The following TMEM98 variants were observed in gnomAD, a reference collection of about 807,000 sequenced individuals.
TMEM98 encodes the protein transmembrane protein 98.
TMEM98 carries 18 observed loss-of-function variants against 25.0 expected under a neutral mutation model. That is an observed-to-expected ratio of 0.72 (90% CI 0.50 to 1.07). TMEM98 has a LOEUF of 1.07. TMEM98 is among the 50% of genes least tolerant of loss of function. The probability of loss-of-function intolerance (pLI) is 0.00; values close to 1 mark genes in which losing one functional copy is unlikely to be tolerated. For synonymous variants in TMEM98, 103 were observed against 112.4 expected (o/e 0.92, Z 0.53); for missense variants, 241 against 289.0 (o/e 0.83, Z 1.20).
intron 1 of TMEM98, among the ~76,000 whole-genome samples, chr17:32,928,805 G>GAGAAA (rs1228029415): frequency 4.3e-5 from 6 of 139,794 alleles, no homozygotes; most frequent in African/African-American, 1.5e-4. Flanking sequence ...AGAAACACAC[G>GAGAAA]CACTCAGAAG....
chr17:32,939,465 G>T lies in TMEM98; in HGVS notation c.414-12G>T. 2 of 1,612,944 alleles carry T rather than the reference G, an allele frequency of 1.2e-6. No individual in the cohort carries two copies. Among genetic ancestry groups the T allele is most frequent in the Non-Finnish European group, 1.7e-6 (2 of 1,179,624 alleles). On this transcript the variant is annotated splice_polypyrimidine_tract_variant and intron_variant, in intron 6 of 7. Coordinates refer to ENST00000579849, the MANE Select transcript of TMEM98 (RefSeq NM_015544.3). ...GAAAGTGAAGTACTGAACACCTTTT[G>T]CCTCCGGTCAGGGTGGATGATGTTG... is the stretch of plus-strand genomic sequence containing the variant.
At chr17:32,928,606 AC>A (rs1339953233) in intron 1 of TMEM98, among the ~76,000 whole-genome samples, 2 of 151,676 alleles carry the variant, frequency 1.3e-5, no homozygotes, top group African/African-American at 4.8e-5. Flanking sequence ...AGGAAAACTT[AC>A]TCTTCAGTAC....
Position 32,940,988 on chromosome 17 carries a change from A to G in TMEM98, c.676A>G (p.Ile226Val). ...PEGFLQEQSA[I>V] ...AGGCTTCCTGCAGGAGCAGTCTGCAATTTAGTGCCTACAGGCCAGCAGCTA... is the reference window on the plus strand; with the variant it reads ...AGGCTTCCTGCAGGAGCAGTCTGCAGTTTAGTGCCTACAGGCCAGCAGCTA... The change falls in exon 8 of 8, where the codon ATT (isoleucine) becomes GTT (valine). Residue 226 changes from isoleucine (I) to valine (V), a missense_variant. Physicochemically the swap from Ile to Val is conservative, Grantham distance 29. Coordinates refer to ENST00000579849, the MANE Select transcript of TMEM98 (RefSeq NM_015544.3). The G allele has an allele frequency of 6.2e-7, 1 of 1,605,764 alleles. No homozygotes were observed.
At position 32,936,447 on chromosome 17, in the gene TMEM98, G is replaced by C; in HGVS notation, c.413G>C (p.Arg138Thr). 6.2e-7 allele frequency: 1 copy of C among 1,614,020 alleles called. No individual in the cohort carries two copies. Among genetic ancestry groups the C allele is most frequent in the East Asian group, 2.2e-5 (1 of 44,892 alleles). Residue 138 changes from arginine (R) to threonine (T), a missense_variant and splice_region_variant, in exon 6 of 8, where the codon AGG (arginine) becomes ACG (threonine). Physicochemically the swap from Arg to Thr is moderately conservative, Grantham distance 71. Coordinates refer to ENST00000579849, the MANE Select transcript of TMEM98 (RefSeq NM_015544.3). Reference sequence around the variant, plus strand: ...GTGGTGGCCAAGCGGATCAGCCCCAGGTGAGCAATTGGCGGCTTCGAGGTC... The same window carrying C: ...GTGGTGGCCAAGCGGATCAGCCCCACGTGAGCAATTGGCGGCTTCGAGGTC... ...IIVVAKRISP[R>T]VDDVVKSMYP...
rs148436251 is a variant in TMEM98, at chr17:32,936,518, G to A, written c.413+71G>A. The A allele has an allele frequency of 4.2e-4, 547 of 1,287,200 alleles. 2 individuals carry two copies. The African/African-American group carries it at 6.8e-3, about 16-fold the overall frequency. The allele number at this position is 1,287,200 out of a possible 1,614,324, so 79.7% of individuals were successfully genotyped here. ...AGAGGGGCTGGAAGCTGGGGTAGCC[G>A]CAGAGCTGGGCTCTTCTATAAAATG... On this transcript the variant is annotated intron_variant, in intron 6 of 7. Transcript: ENST00000579849.
intron 5 of TMEM98, among the ~76,000 whole-genome samples, 177 bp from the exon 6 acceptor site, chr17:32,936,155 C>T (rs1276716399): frequency 6.6e-6 from 1 of 152,198 alleles, no homozygotes; most frequent in Non-Finnish European, 1.5e-5. Flanking sequence ...CAGCCATGCC[C>T]TTGGCTTTTG....
At position 32,941,245 on chromosome 17, in the gene TMEM98, A is replaced by G. The variant is rs2151115622; in HGVS notation, c.*252A>G. 1 of 345,260 alleles carries G rather than the reference A, an allele frequency of 2.9e-6. No homozygotes were observed. The highest frequency in any genetic ancestry group is 5.3e-6 in the Non-Finnish European group (1 of 189,552). The allele number at this position is 345,260 out of a possible 1,614,324, so 21.4% of individuals were successfully genotyped here. The stretch of plus-strand genomic sequence containing the variant: ...CACTCTCTGCAAGAGGAGTATTGAA[A>G]ACTGGTGGACTGTCAGCTTTATTTA... On this transcript the variant is annotated 3_prime_UTR_variant, in exon 8 of 8. Transcript: ENST00000579849.
chr17:32,940,664 C>T (rs1174627483), intron 7 of TMEM98, 122 bp from the exon 8 acceptor site: 2 of 938,082 alleles, frequency 2.1e-6, no homozygotes, highest in Admixed American at 4.7e-5. Flanking sequence ...GCATACCTAC[C>T]AACATCCTAG....
At chr17:32,934,394 A>C in intron 5 of TMEM98, 70 bp downstream of exon 5, 1 of 1,571,586 alleles carries the variant, frequency 6.4e-7, no homozygotes, top group Non-Finnish European at 8.8e-7. Flanking sequence ...GATGGAGTAG[A>C]ACGGGACCTT....
At chr17:32,928,830 ACT>A (rs1251984944) in intron 1 of TMEM98, among the ~76,000 whole-genome samples, 3 of 146,616 alleles carry the variant, frequency 2.0e-5, no homozygotes, top group Non-Finnish European at 4.4e-5. Flanking sequence ...CAAGATAAAC[ACT>A]CAGCTCACAC....
rs748820959 is a variant in TMEM98 at position 32,940,815 on chromosome 17, A to T, written c.503A>T (p.His168Leu). 6.2e-7 allele frequency: 1 copy of T among 1,613,952 alleles called. No individual in the cohort carries two copies. Among genetic ancestry groups the T allele is most frequent in the African/African-American group, 1.3e-5 (1 of 74,908 alleles). The change falls in exon 8 of 8, where the codon CAC becomes CTC. Residue 168 changes from histidine to leucine, a missense_variant. Transcript: ENST00000579849. ...ACTGCCCTGCTCCTGTCTGTCAGTC[A>T]CCTGGTGCTGGTGACAAGGAATGCC... ...RTTALLLSVS[H>L]LVLVTRNACH...
chr17:32,939,411 A>G lies in TMEM98; in HGVS notation c.414-66A>G, dbSNP rs999065246. The G allele has an allele frequency of 1.6e-5, 20 of 1,267,830 alleles. 1 individual carries two copies. Among genetic ancestry groups the G allele is most frequent in the Non-Finnish European group, 2.1e-5 (20 of 959,628 alleles). The allele number at this position is 1,267,830 out of a possible 1,614,324, so 78.5% of individuals were successfully genotyped here. The stretch of plus-strand genomic sequence containing the variant: ...GACAGAGCGAGACTCTGTCTCAGGA[A>G]AAAAAAAAAAAGGAGAAAAGGAGAT... On this transcript the variant is annotated intron_variant, in intron 6 of 7. Transcript: ENST00000579849.
chr17:32,928,810 CAGAAGCACA>C (rs2091447645), intron 1 of TMEM98, among the ~76,000 whole-genome samples: 3 of 145,024 alleles, frequency 2.1e-5, no homozygotes, highest in African/African-American at 8.4e-5. Context: ...CACACGCACT[CAGAAGCACA>C]CAAGATAAAC....
intron 7 of TMEM98, among the ~76,000 whole-genome samples, chr17:32,939,958 C>T (rs1323471577): frequency 4.6e-5 from 7 of 152,194 alleles, no homozygotes; most frequent in African/African-American, 1.7e-4. Flanking sequence ...CACAGCTGTG[C>T]TCACCTGCCA....
intron 2 of TMEM98, 34 bp downstream of exon 2, chr17:32,931,436 T>G: frequency 1.3e-6 from 2 of 1,508,410 alleles, no homozygotes; most frequent in Admixed American, 2.1e-5. Flanking sequence ...CTTTCGTGGC[T>G]TCTTGACCAG....
intron 3 of TMEM98, among the ~76,000 whole-genome samples, chr17:32,932,752 C>A (rs1194731063): frequency 6.6e-6 from 1 of 152,172 alleles, no homozygotes; most frequent in African/African-American, 2.4e-5. Context: ...AAGAGTTATT[C>A]TGCAGACCAG....
chr17:32,937,213 G>A (rs1275053958), intron 6 of TMEM98, among the ~76,000 whole-genome samples: 1 of 152,236 alleles, frequency 6.6e-6, no homozygotes, highest in Admixed American at 6.5e-5. Flanking sequence ...ACCTCTGTAT[G>A]CCTGCTGAAA....
chr17:32,935,718 G>A (rs1289245791), intron 5 of TMEM98, among the ~76,000 whole-genome samples: 1 of 152,166 alleles, frequency 6.6e-6, no homozygotes, highest in Non-Finnish European at 1.5e-5. Flanking sequence ...TTCTAGCATG[G>A]GGTGGCCTGG....
At position 32,941,630 on chromosome 17, in the gene TMEM98, T is replaced by G. The variant is rs1360612913; in HGVS notation, c.*637T>G. ...GCTACCACTAGGTGGATAGTAAATT[T>G]ATACTTATGTTTCCCTCAAGTGTGT... is the stretch of plus-strand genomic sequence containing the variant. On this transcript the variant is annotated 3_prime_UTR_variant, in exon 8 of 8. Coordinates refer to ENST00000579849, the MANE Select transcript of TMEM98 (RefSeq NM_015544.3). The G allele has an allele frequency of 6.6e-6, 1 of 152,278 alleles. No homozygotes were observed. The highest frequency in any genetic ancestry group is 2.4e-5 in the African/African-American group (1 of 41,448). The allele number at this position is 152,278 out of a possible 1,614,324, so 9.4% of individuals were successfully genotyped here.
Sources: allele counts gnomAD v4.1 joint callset (sites outside exome capture counted in the v4.1 genomes callset), GRCh38; gene constraint gnomAD v4.1.1; transcripts MANE v1.5; gene names NCBI Gene and HGNC (gene_info 2026-07-23, HGNC 2026-07-21).